The following ENTREP2 variants were observed in gnomAD, a reference collection of about 807,000 sequenced individuals.
The protein encoded by ENTREP2 is protein ENTREP2.
At chr15:29,140,398 G>A in the ENTREP2 span, among the ~76,000 whole-genome samples, 1 of 152,114 alleles carries the variant, frequency 6.6e-6, no homozygotes, top group Non-Finnish European at 1.5e-5. Flanking sequence ...TCTCTGCCTT[G>A]ATTTTCTGTC....
the ENTREP2 span, among the ~76,000 whole-genome samples, chr15:29,286,374 A>C: frequency 6.6e-6 from 1 of 152,228 alleles, no homozygotes; most frequent in African/African-American, 2.4e-5. Context: ...TCTATTTTCC[A>C]ATAACAAAAT....
At chr15:29,517,062 G>T in the ENTREP2 span, among the ~76,000 whole-genome samples, 1 of 151,556 alleles carries the variant, frequency 6.6e-6, no homozygotes, top group Non-Finnish European at 1.5e-5. Context: ...AGTAAAGGCA[G>T]CATGGCAGCA....
chr15:29,549,146 T>C, the ENTREP2 span, among the ~76,000 whole-genome samples: 4 of 152,172 alleles, frequency 2.6e-5, no homozygotes, highest in African/African-American at 9.7e-5. Context: ...TTCCCTGCTA[T>C]CCACAAATGC....
the ENTREP2 span, among the ~76,000 whole-genome samples, chr15:29,645,964 T>C: frequency 6.6e-6 from 1 of 152,188 alleles, no homozygotes; most frequent in African/African-American, 2.4e-5. Flanking sequence ...GAGTGAAATA[T>C]GTGAGGTTTT....
chr15:29,268,991 G>T, the ENTREP2 span: 3 of 1,614,116 alleles, frequency 1.9e-6, no homozygotes, highest in Non-Finnish European at 2.5e-6. Flanking sequence ...TCGGTGTGGG[G>T]TATCCGCCGG....
At chr15:29,580,874 T>A in the ENTREP2 span, among the ~76,000 whole-genome samples, 3 of 152,228 alleles carry the variant, frequency 2.0e-5, no homozygotes, top group African/African-American at 7.2e-5. Context: ...ATTTGTATAT[T>A]GATGTCTTAA....
the ENTREP2 span, among the ~76,000 whole-genome samples, chr15:29,190,071 C>T: frequency 8.4e-3 from 1,275 of 152,298 alleles, 18 homozygotes; most frequent in African/African-American, 0.029. Flanking sequence ...TCCTGGAGGG[C>T]TGAGACACTC....
At chr15:29,118,199 C>G in the ENTREP2 span, 1 of 152,642 alleles carries the variant, frequency 6.6e-6, no homozygotes, top group Non-Finnish European at 1.5e-5. Context: ...AGAAGCCTTA[C>G]CACGCAGTAA....
the ENTREP2 span, among the ~76,000 whole-genome samples, chr15:29,531,854 TG>T: frequency 6.6e-6 from 1 of 152,226 alleles, no homozygotes; most frequent in Admixed American, 6.5e-5. Context: ...TTAGTAGAGA[TG>T]GGGTTTCACT....
At chr15:29,193,974 A>T in the ENTREP2 span, among the ~76,000 whole-genome samples, 1 of 152,222 alleles carries the variant, frequency 6.6e-6, no homozygotes, top group Admixed American at 6.5e-5. Context: ...AAAAAAAGAA[A>T]CACTGAAGAA....
At chr15:29,188,400 T>TCTC in the ENTREP2 span, among the ~76,000 whole-genome samples, 1 of 152,100 alleles carries the variant, frequency 6.6e-6, no homozygotes, top group African/African-American at 2.4e-5. Flanking sequence ...GTCCTAATGC[T>TCTC]CTCCCTCCCC....
At chr15:29,580,181 G>A in the ENTREP2 span, among the ~76,000 whole-genome samples, 2 of 151,892 alleles carry the variant, frequency 1.3e-5, no homozygotes, top group African/African-American at 4.8e-5. Flanking sequence ...GACAGTAATG[G>A]GTCACTCCTG....
the ENTREP2 span, among the ~76,000 whole-genome samples, chr15:29,576,859 G>A: frequency 6.6e-6 from 1 of 152,194 alleles, no homozygotes; most frequent in Admixed American, 6.5e-5. Context: ...CCAGGCTGGA[G>A]TGCAGTGGCG....
At chr15:29,447,916 A>G in the ENTREP2 span, among the ~76,000 whole-genome samples, 1 of 151,858 alleles carries the variant, frequency 6.6e-6, no homozygotes, top group Non-Finnish European at 1.5e-5. Context: ...TACAAAAAAA[A>G]TTAGCTGGGC....
the ENTREP2 span, among the ~76,000 whole-genome samples, chr15:29,290,309 G>A: frequency 1.8e-3 from 277 of 152,274 alleles, no homozygotes; most frequent in African/African-American, 6.5e-3. Context: ...GCTCTGCACG[G>A]GTTGTCCTCT....
the ENTREP2 span, among the ~76,000 whole-genome samples, chr15:29,221,022 G>T: frequency 1.3e-5 from 2 of 152,128 alleles, no homozygotes; most frequent in Non-Finnish European, 2.9e-5. Context: ...GACAGGATGA[G>T]AATAAATCTG....
At chr15:29,172,269 A>C in the ENTREP2 span, among the ~76,000 whole-genome samples, 1 of 152,228 alleles carries the variant, frequency 6.6e-6, no homozygotes, top group South Asian at 2.1e-4. Flanking sequence ...GTACTGATTT[A>C]ACTTTGATTG....
the ENTREP2 span, among the ~76,000 whole-genome samples, chr15:29,596,736 C>G: frequency 6.6e-6 from 1 of 151,942 alleles, no homozygotes; most frequent in African/African-American, 2.4e-5. Flanking sequence ...GGTATGATCT[C>G]AGCTCACTGC....
chr15:29,579,803 C>T, the ENTREP2 span, among the ~76,000 whole-genome samples: 24,672 of 148,412 alleles, frequency 0.17, 2,923 homozygotes, highest in East Asian at 0.49. Context: ...GTCCACGTTC[C>T]GGGTTCACGC....
Sources: allele counts gnomAD v4.1 joint callset (sites outside exome capture counted in the v4.1 genomes callset), GRCh38; gene constraint gnomAD v4.1.1; transcripts MANE v1.5; gene names NCBI Gene and HGNC (gene_info 2026-07-23, HGNC 2026-07-21).